Variants in CSMD1 observed in about 807,000 individuals in gnomAD.
CSMD1 encodes CUB and Sushi multiple domains 1, also known as CUB and sushi domain-containing protein 1.
CSMD1 carries 213 observed loss-of-function variants against 417.5 expected under a neutral mutation model. The ratio of observed to expected loss-of-function variants is 0.51; its 90% confidence interval spans 0.46 to 0.57. The LOEUF (loss-of-function observed/expected upper bound fraction) is 0.57, where lower values mean the gene tolerates loss of function less well. CSMD1 is among the 20% of genes least tolerant of loss of function. The probability of loss-of-function intolerance (pLI) is 0.00; values close to 1 mark genes in which losing one functional copy is unlikely to be tolerated. For synonymous variants in CSMD1, 2,862 were observed against 1,736.8 expected (o/e 1.65, Z -16.11); for missense variants, 6,923 against 4,529.7 (o/e 1.53, Z -15.17).
At chr8:4,289,914 T>C (rs1797268167) in intron 3 of CSMD1, among the ~76,000 whole-genome samples, 1 of 152,184 alleles carries the variant, frequency 6.6e-6, no homozygotes. Context: ...TACCTCTGAG[T>C]GCAAGTGAGT....
intron 20 of CSMD1, among the ~76,000 whole-genome samples, chr8:3,360,243 A>G (rs1017624756): frequency 4.6e-5 from 7 of 152,236 alleles, no homozygotes; most frequent in Non-Finnish European, 1.0e-4. Flanking sequence ...AGTGCTAAAT[A>G]TAAATTAAAA....
chr8:4,809,808 C>T (rs1169641546), intron 1 of CSMD1, among the ~76,000 whole-genome samples: 2 of 152,104 alleles, frequency 1.3e-5, no homozygotes, highest in Non-Finnish European at 2.9e-5. Context: ...TTTTATGCTT[C>T]TAGTACATAT....
intron 2 of CSMD1, among the ~76,000 whole-genome samples, chr8:4,455,693 G>A (rs1233443279): frequency 6.6e-6 from 1 of 151,822 alleles, no homozygotes; most frequent in African/African-American, 2.4e-5. Flanking sequence ...CACTTTGGGA[G>A]GCCGAAGCGG....
intron 5 of CSMD1, among the ~76,000 whole-genome samples, chr8:3,775,446 A>G (rs1032982572): frequency 6.6e-6 from 1 of 152,156 alleles, no homozygotes; most frequent in African/African-American, 2.4e-5. Context: ...GGAGGGGGCA[A>G]AAACAATCAT....
At chr8:4,833,174 T>TA (rs969410679) in intron 1 of CSMD1, among the ~76,000 whole-genome samples, 10 of 152,132 alleles carry the variant, frequency 6.6e-5, no homozygotes, top group Admixed American at 2.0e-4. Context: ...CACACTGCTA[T>TA]AAAAAAAACT....
chr8:4,539,960 C>A (rs953700119), intron 2 of CSMD1, among the ~76,000 whole-genome samples: 1 of 152,166 alleles, frequency 6.6e-6, no homozygotes, highest in Non-Finnish European at 1.5e-5. Flanking sequence ...TCCGCCCCGT[C>A]CAGGTGCTGC....
intron 7 of CSMD1, among the ~76,000 whole-genome samples, chr8:3,635,159 A>C (rs999163661): frequency 1.3e-5 from 2 of 152,104 alleles, no homozygotes; most frequent in Non-Finnish European, 2.9e-5. Flanking sequence ...TGTGAAGGCC[A>C]AGGACATGGC....
rs187610291 is a variant in CSMD1 at position 3,967,738 on chromosome 8, C to G, written c.818+30165G>C. On this transcript the variant is annotated intron_variant, in intron 5 of 69. Transcript: ENST00000635120. ...GGCAAGAGATGAGTCCAACAAAGGC[C>G]AAGAAGAAAGAACCTAATTTAATAT... Among the ~76,000 whole-genome samples the G allele has an allele frequency of 5.3e-5, 8 of 152,104 alleles. No homozygotes were observed. In the East Asian group the frequency reaches 1.5e-3, roughly 29 times the overall value.
intron 5 of CSMD1, among the ~76,000 whole-genome samples, chr8:3,835,530 G>C (rs1802635226): frequency 1.3e-5 from 2 of 151,920 alleles, no homozygotes; most frequent in African/African-American, 2.4e-5. Context: ...AGAACACATG[G>C]ACACAGGAAA....
chr8:4,277,932 T>C (rs1450439274), intron 3 of CSMD1, among the ~76,000 whole-genome samples: 1 of 152,066 alleles, frequency 6.6e-6, no homozygotes, highest in Non-Finnish European at 1.5e-5. Context: ...GTATTTTTAG[T>C]GGAGACAGGA....
intron 2 of CSMD1, among the ~76,000 whole-genome samples, chr8:4,595,820 T>C (rs903475937): frequency 2.6e-5 from 4 of 152,208 alleles, no homozygotes; most frequent in Non-Finnish European, 5.9e-5. Context: ...CTTTCAGAGC[T>C]CCTGTTTTCC....
chr8:4,409,749 G>C lies in CSMD1; in HGVS notation c.415+10204C>G, dbSNP rs552805164. On this transcript the variant is annotated intron_variant, in intron 3 of 69. Coordinates refer to ENST00000635120, the MANE Select transcript of CSMD1 (RefSeq NM_033225.6). ...AAGATGGCAAAGGAACATTAGCACAGGGCATAACTGTTCCAGGAGAATGTA... is the reference window on the plus strand; with the variant it reads ...AAGATGGCAAAGGAACATTAGCACACGGCATAACTGTTCCAGGAGAATGTA... 3.6e-4 allele frequency among the ~76,000 whole-genome samples: 54 copies of C among 151,716 alleles called. 1 individual carries two copies. Among genetic ancestry groups the C allele is most frequent in the African/African-American group, 1.1e-3 (44 of 41,340 alleles).
chr8:4,810,750 G>C (rs1272456649), intron 1 of CSMD1, among the ~76,000 whole-genome samples: 2 of 152,124 alleles, frequency 1.3e-5, no homozygotes, highest in African/African-American at 4.8e-5. Context: ...TATTTGCTCT[G>C]AAATAATTGA....
At chr8:3,462,140 C>G (rs1166626583) in intron 12 of CSMD1, among the ~76,000 whole-genome samples, 1 of 151,928 alleles carries the variant, frequency 6.6e-6, no homozygotes, top group African/African-American at 2.4e-5. Flanking sequence ...CCCCACCTCC[C>G]AGCTGCTCGG....
intron 5 of CSMD1, among the ~76,000 whole-genome samples, chr8:3,841,406 T>C (rs1456570316): frequency 1.3e-5 from 2 of 152,170 alleles, no homozygotes; most frequent in African/African-American, 4.8e-5. Flanking sequence ...TGATTGCTTT[T>C]ATGGAGAAAA....
intron 21 of CSMD1, among the ~76,000 whole-genome samples, chr8:3,351,334 G>A (rs925048667): frequency 1.7e-4 from 26 of 152,094 alleles, no homozygotes; most frequent in Non-Finnish European, 7.4e-5. Context: ...AACTTGGCCA[G>A]GCGTGGTGAC....
At chr8:4,324,497 G>A (rs892519354) in intron 3 of CSMD1, among the ~76,000 whole-genome samples, 2 of 152,170 alleles carry the variant, frequency 1.3e-5, no homozygotes, top group East Asian at 3.9e-4. Context: ...AGCAGATGAA[G>A]TGCACACAAA....
intron 1 of CSMD1, among the ~76,000 whole-genome samples, chr8:4,946,740 C>T (rs1808395314): frequency 6.6e-6 from 1 of 152,190 alleles, no homozygotes; most frequent in African/African-American, 2.4e-5. Context: ...TACAGTTCAG[C>T]ATCAGTAGGT....
intron 8 of CSMD1, among the ~76,000 whole-genome samples, chr8:3,592,250 T>G (rs56658936): frequency 1.3e-5 from 2 of 151,946 alleles, no homozygotes; most frequent in Non-Finnish European, 2.9e-5. Context: ...TAGATAGCTA[T>G]AGAAAGACAG....
Sources: gnomAD v4.1 joint callset for allele counts (sites outside exome capture counted in the v4.1 genomes callset) on GRCh38, gnomAD v4.1.1 for gene constraint, MANE v1.5 for transcripts, NCBI Gene and HGNC (gene_info 2026-07-23, HGNC 2026-07-21) for gene names.